Variants in TADA2B observed in about 807,000 individuals in gnomAD.
TADA2B encodes transcriptional adaptor 2B.
A neutral mutation model predicts 34.5 loss-of-function variants in TADA2B; 13 were observed. The observed-to-expected ratio is 0.38, with a 90% confidence interval of 0.25 to 0.60. The LOEUF (loss-of-function observed/expected upper bound fraction) is 0.60. TADA2B is among the 20% of genes least tolerant of loss of function. The pLI is 0.65. For missense variants in TADA2B, 442 were observed against 575.0 expected (o/e 0.77, Z 2.37); for synonymous variants, 240 against 243.4 (o/e 0.99, Z 0.13).
Position 7,043,675 on chromosome 4 carries a change from C to T in TADA2B, c.96C>T (p.Cys32=), listed in dbSNP as rs753235034. 36 of 1,585,096 alleles carry T rather than the reference C, an allele frequency of 2.3e-5. No homozygotes were observed. The highest frequency in any genetic ancestry group is 2.9e-5 in the Non-Finnish European group (34 of 1,168,564). ...CCGAGTGCCAGGACATCGAGCTGTG[C>T]CCCGAGTGCTTCTCGGCCGGCGCCG... ...RCTECQDIEL[C]PECFSAGAEI... is the part of the protein sequence containing the mutation. Residue 32 remains cysteine, a synonymous_variant, in exon 1 of 2, where the codon TGC becomes TGT. Coordinates refer to ENST00000310074, the MANE Select transcript of TADA2B (RefSeq NM_152293.3).
chr4:7,044,528 G>A (rs990432370), intron 1 of TADA2B, among the ~76,000 whole-genome samples: 1 of 152,284 alleles, frequency 6.6e-6, no homozygotes, highest in African/African-American at 2.4e-5. Flanking sequence ...AGCGGTGAGA[G>A]CTGGACTGGA....
chr4:7,046,061 G>A (rs1292862329), intron 1 of TADA2B: 1 of 152,212 alleles, frequency 6.6e-6, no homozygotes, highest in Non-Finnish European at 1.5e-5. Flanking sequence ...GCCAGGCTGC[G>A]GTCAGGGCGT....
intron 1 of TADA2B, among the ~76,000 whole-genome samples, chr4:7,051,820 A>C (rs942509425): frequency 6.6e-6 from 1 of 152,116 alleles, no homozygotes; most frequent in Non-Finnish European, 1.5e-5. Context: ...GATGGTCTCG[A>C]TCTCCTGACC....
In TADA2B at chr4:7,055,567, G is replaced by A. The variant is rs1723871204; in HGVS notation, c.*513G>A. The A allele has an allele frequency of 6.4e-6, 1 of 155,216 alleles. No homozygotes were observed. Among genetic ancestry groups the A allele is most frequent in the African/African-American group, 2.4e-5 (1 of 41,478 alleles). 9.6% of individuals were successfully genotyped at this position (155,216 alleles called of 1,614,324 possible). On this transcript the variant is annotated 3_prime_UTR_variant, in exon 2 of 2. Transcript: ENST00000310074. Reference sequence around the variant, plus strand: ...TTTACATGGGGGCAGCTTGGGCCCAGACTCCTCCGCTGTGTAGCAGATGAG... The same window carrying A: ...TTTACATGGGGGCAGCTTGGGCCCAAACTCCTCCGCTGTGTAGCAGATGAG...
rs747749615 is a variant in TADA2B at position 7,054,553 on chromosome 4, G to C, written c.762G>C (p.Glu254Asp). 3 of 1,613,912 alleles carry C rather than the reference G, an allele frequency of 1.9e-6. No homozygotes were observed. The highest frequency in any genetic ancestry group is 2.2e-5 in the East Asian group (1 of 44,880). ...LKRKITKEEK[E>D]LRLKLRPLYQ... is the part of the protein sequence containing the mutation. ...GCAAGATCACCAAGGAGGAGAAGGAGCTGCGCCTGAAGCTGAGGCCGCTGT... is the reference window on the plus strand; with the variant it reads ...GCAAGATCACCAAGGAGGAGAAGGACCTGCGCCTGAAGCTGAGGCCGCTGT... The change falls in exon 2 of 2, where the codon GAG (glutamate) becomes GAC (aspartate). Residue 254 changes from glutamate to aspartate, a missense_variant. Glu to Asp is a conservative substitution (Grantham distance 45, BLOSUM62 2). Transcript: ENST00000310074.
In TADA2B at chr4:7,054,122, G is replaced by A. The variant is rs765043583; in HGVS notation, c.331G>A (p.Val111Met). 5 of 1,602,678 alleles carry A rather than the reference G, an allele frequency of 3.1e-6. No homozygotes were observed. Among genetic ancestry groups the A allele is most frequent in the East Asian group, 2.2e-5 (1 of 44,446 alleles). Residue 111 changes from valine to methionine, a missense_variant, in exon 2 of 2, where the codon GTG (valine) becomes ATG (methionine). Val to Met is a conservative substitution (Grantham distance 21, BLOSUM62 1). Around this residue, in one of 4 missense-constraint regions of TADA2B, gnomAD observed 102 missense variants for 177.2 expected, o/e 0.58. Transcript: ENST00000310074. ...TCCCCAAGAGGTGATGGAGCATTAC[G>A]TGAGCATGTACATCCACGGGAACCT... is the stretch of plus-strand genomic sequence containing the variant. ...RTPQEVMEHY[V>M]SMYIHGNLGK...
chr4:7,052,159 C>T (rs917845326), intron 1 of TADA2B, among the ~76,000 whole-genome samples: 14 of 152,248 alleles, frequency 9.2e-5, no homozygotes, highest in Admixed American at 6.5e-4. Flanking sequence ...GCAGCCCCTC[C>T]GCAGCCTTGG....
rs889532260 is a variant in TADA2B at position 7,049,290 on chromosome 4, G to C, written c.271-4772G>C. ...GACGGGGTCTTGCCATGTTGTTCAG[G>C]CTGGTCATGAACTTCTGGGCTCAAG... On this transcript the variant is annotated intron_variant, in intron 1 of 1. Coordinates refer to ENST00000310074, the MANE Select transcript of TADA2B (RefSeq NM_152293.3). Among the ~76,000 whole-genome samples, 5 of 152,148 alleles carry C rather than the reference G, an allele frequency of 3.3e-5. No homozygotes were observed. The East Asian group carries it at 9.6e-4, about 29-fold the overall frequency.
chr4:7,050,714 C>T (rs553582925), intron 1 of TADA2B, among the ~76,000 whole-genome samples: 8 of 152,352 alleles, frequency 5.3e-5, no homozygotes, highest in Non-Finnish European at 1.5e-5. Flanking sequence ...CTGCACATCA[C>T]GGGGGCAGGG....
At position 7,056,563 on chromosome 4, in the gene TADA2B, TTTTCC is replaced by T. The variant is rs1723896878; in HGVS notation, c.*1514_*1518del. On this transcript the variant is annotated 3_prime_UTR_variant, in exon 2 of 2. Coordinates refer to ENST00000310074, the MANE Select transcript of TADA2B (RefSeq NM_152293.3). ...CTAAGGATGACTTAATTACTGTGCCTTTTCCTTTCTTTTTACACATCCTACTGTCC... is the reference window on the plus strand; with the variant it reads ...CTAAGGATGACTTAATTACTGTGCCTTTTCTTTTTACACATCCTACTGTCC... 1.3e-5 allele frequency: 2 copies of T among 152,248 alleles called. No homozygotes were observed. Among genetic ancestry groups the T allele is most frequent in the African/African-American group, 4.8e-5 (2 of 41,446 alleles). 9.4% of individuals were successfully genotyped at this position (152,248 alleles called of 1,614,324 possible).
At chr4:7,046,804 G>A (rs1304639919) in intron 1 of TADA2B, among the ~76,000 whole-genome samples, 1 of 152,172 alleles carries the variant, frequency 6.6e-6, no homozygotes, top group Non-Finnish European at 1.5e-5. Flanking sequence ...TGGCCTGGGG[G>A]TTGTACAACT....
In TADA2B at chr4:7,054,682, C is replaced by T. The variant is rs539508764; in HGVS notation, c.891C>T (p.Asn297=). ...KIRELQRYRR[N]GITKMEESAE... is the part of the protein sequence containing the mutation. ...GAGAACTGCAGCGGTACCGGCGAAA[C>T]GGGATCACCAAGATGGAAGAGTCGG... Residue 297 remains asparagine, a synonymous_variant, in exon 2 of 2, where the codon AAC becomes AAT. Coordinates refer to ENST00000310074, the MANE Select transcript of TADA2B (RefSeq NM_152293.3). 24 of 1,613,822 alleles carry T rather than the reference C, an allele frequency of 1.5e-5. No homozygotes were observed. The highest frequency in any genetic ancestry group is 6.7e-5 in the East Asian group (3 of 44,880).
chr4:7,054,276 A>T lies in TADA2B; in HGVS notation c.485A>T (p.Gln162Leu). The T allele has an allele frequency of 6.2e-7, 1 of 1,612,884 alleles. No individual in the cohort carries two copies. Among genetic ancestry groups the T allele is most frequent in the Non-Finnish European group, 8.5e-7 (1 of 1,179,634 alleles). The change falls in exon 2 of 2, where the codon CAG (glutamine) becomes CTG (leucine). Residue 162 changes from glutamine to leucine, a missense_variant. Physicochemically the swap from Gln to Leu is moderately radical, Grantham distance 113. This residue lies in a region of TADA2B where 222 missense variants were observed against 235.2 expected (regional missense o/e 0.94). Transcript: ENST00000310074. Reference sequence around the variant, plus strand: ...CTGGACATCTCTGTGGCTGAGCAGCAGCAGCTGGGCTACATGCCGCTGCGG... The same window carrying T: ...CTGGACATCTCTGTGGCTGAGCAGCTGCAGCTGGGCTACATGCCGCTGCGG... Reference protein sequence around the residue: ...PPLDISVAEQQQLGYMPLRDD... With the variant: ...PPLDISVAEQLQLGYMPLRDD...
intron 1 of TADA2B, among the ~76,000 whole-genome samples, chr4:7,049,829 C>A (rs1253952041): frequency 1.3e-5 from 2 of 152,250 alleles, no homozygotes; most frequent in African/African-American, 4.8e-5. Flanking sequence ...GTGTGCCAGC[C>A]CCGAGGGCTG....
intron 1 of TADA2B, among the ~76,000 whole-genome samples, chr4:7,046,396 T>C (rs1723630255): frequency 6.6e-6 from 1 of 152,242 alleles, no homozygotes; most frequent in South Asian, 2.1e-4. Flanking sequence ...ATATGTGTCC[T>C]GTGGGATCTT....
In TADA2B at chr4:7,054,651, A is replaced by C; in HGVS notation, c.860A>C (p.Lys287Thr). 1 of 1,613,952 alleles carries C rather than the reference A, an allele frequency of 6.2e-7. No individual in the cohort carries two copies. The highest frequency in any genetic ancestry group is 8.5e-7 in the Non-Finnish European group (1 of 1,179,892). The change falls in exon 2 of 2, where the codon AAG becomes ACG. Residue 287 changes from lysine (K) to threonine (T), a missense_variant. Physicochemically the swap from Lys to Thr is moderately conservative, Grantham distance 78. This residue lies in a region of TADA2B where 222 missense variants were observed against 235.2 expected (regional missense o/e 0.94). Coordinates refer to ENST00000310074, the MANE Select transcript of TADA2B (RefSeq NM_152293.3). ...CACAAAGAAAAAATGCTCCGGGCCA[A>C]GATCCGAGAACTGCAGCGGTACCGG... Reference protein sequence around the residue: ...NMHKEKMLRAKIRELQRYRRN... With the variant: ...NMHKEKMLRATIRELQRYRRN...
At position 7,053,847 on chromosome 4, in the gene TADA2B, A is replaced by C. The variant is rs879022043; in HGVS notation, c.271-215A>C. The C allele has an allele frequency of 1.2e-4, 64 of 552,822 alleles. No individual in the cohort carries two copies. The South Asian group carries it at 1.5e-3, about 13-fold the overall frequency. The allele number at this position is 552,822 out of a possible 1,614,324, so 34.2% of individuals were successfully genotyped here. A position where few individuals can be genotyped will look rare whatever the true frequency, so the allele number is the denominator to read the frequency against. On this transcript the variant is annotated intron_variant, in intron 1 of 1. Coordinates refer to ENST00000310074, the MANE Select transcript of TADA2B (RefSeq NM_152293.3). ...TCTCTGGGTCTTCACTTTCTCATGT[A>C]CAGAATCAGCATGTGTTGTTGCTTC...
chr4:7,054,994 A>G lies in TADA2B; in HGVS notation c.1203A>G (p.Leu401=). Residue 401 remains leucine, a synonymous_variant, in exon 2 of 2, where the codon CTA becomes CTG. Transcript: ENST00000310074. ...TTCCTAGCTACCTGGACAAAGTCCT[A>G]AAGAAAAGGATTTTGAATTTCCTCA... is the stretch of plus-strand genomic sequence containing the variant. ...SRLPSYLDKV[L]KKRILNFLTE... The G allele has an allele frequency of 6.2e-7, 1 of 1,613,000 alleles. No individual in the cohort carries two copies. The highest frequency in any genetic ancestry group is 8.5e-7 in the Non-Finnish European group (1 of 1,179,672).
intron 1 of TADA2B, among the ~76,000 whole-genome samples, chr4:7,049,633 C>T (rs1377554276): frequency 2.6e-5 from 4 of 152,202 alleles, no homozygotes; most frequent in African/African-American, 9.7e-5. Flanking sequence ...GGCTGCAAAG[C>T]CAGTAAGTCC....
Sources: gnomAD v4.1 joint callset for allele counts (sites outside exome capture counted in the v4.1 genomes callset) on GRCh38, gnomAD v4.1.1 for gene constraint, gnomAD v4.1.1 regional missense constraint, MANE v1.5 for transcripts, NCBI Gene and HGNC (gene_info 2026-07-23, HGNC 2026-07-21) for gene names.